The following OLFM3 variants were observed in gnomAD, a reference collection of about 807,000 sequenced individuals.
OLFM3 encodes noelin-3.
A neutral mutation model predicts 48.6 loss-of-function variants in OLFM3; 20 were observed. That is an observed-to-expected ratio of 0.41 (90% CI 0.29 to 0.60). OLFM3 has a LOEUF of 0.60. OLFM3 is among the 20% of genes least tolerant of loss of function. OLFM3 has a pLI of 0.28. For synonymous variants in OLFM3, 222 were observed against 198.1 expected, an observed-to-expected ratio of 1.12 and a Z score of -1.01; for missense variants, 437 against 544.3, an observed-to-expected ratio of 0.80 and a Z score of 1.96.
At chr1:101,971,540 G>T (rs187115678) in intron 1 of OLFM3, among the ~76,000 whole-genome samples, 1 of 152,106 alleles carries the variant, frequency 6.6e-6, no homozygotes, top group Non-Finnish European at 1.5e-5. Context: ...CATTTTTGAT[G>T]GTTTCCAAAG....
intron 1 of OLFM3, among the ~76,000 whole-genome samples, chr1:101,936,640 G>C (rs1390598292): frequency 6.6e-6 from 1 of 152,078 alleles, no homozygotes; most frequent in Non-Finnish European, 1.5e-5. Context: ...AAAAGACCTT[G>C]AATACCCATG....
At chr1:101,967,748 C>A (rs564275044) in intron 1 of OLFM3, among the ~76,000 whole-genome samples, 5 of 152,134 alleles carry the variant, frequency 3.3e-5, no homozygotes, top group Non-Finnish European at 1.5e-5. Context: ...AGGTGCAGAC[C>A]ACCTCCCGAC....
Position 101,863,034 on chromosome 1 carries a change from C to T in OLFM3, c.70-26009G>A, listed in dbSNP as rs145473758. ...GAGACGGAGTGTTGCTCTGTCAGCT[C>T]ATTGTAACCTCCGCCTCCCATGTTG... On this transcript the variant is annotated intron_variant, in intron 1 of 5. Transcript: ENST00000370103. Among the ~76,000 whole-genome samples the T allele has an allele frequency of 4.3e-3, 648 of 149,762 alleles. 3 individuals carry two copies. Among genetic ancestry groups the T allele is most frequent in the Non-Finnish European group, 5.6e-3 (379 of 67,718 alleles).
chr1:101,816,918 G>T (rs935631931), intron 4 of OLFM3, among the ~76,000 whole-genome samples: 26 of 152,182 alleles, frequency 1.7e-4, no homozygotes, highest in African/African-American at 6.0e-4. Context: ...AATGGTTATT[G>T]ATTTCCTAAG....
At position 101,802,866 on chromosome 1, in the gene OLFM3, T is replaced by A. The variant is rs1267512574; in HGVS notation, c.*1372A>T. The A allele has an allele frequency of 1.3e-5, 2 of 151,688 alleles. No homozygotes were observed. Among genetic ancestry groups the A allele is most frequent in the African/African-American group, 4.8e-5 (2 of 41,388 alleles). The allele number at this position is 151,688 out of a possible 1,614,324, so 9.4% of individuals were successfully genotyped here. A position where few individuals can be genotyped will look rare whatever the true frequency, so the allele number is the denominator to read the frequency against. On this transcript the variant is annotated 3_prime_UTR_variant, in exon 6 of 6. Transcript: ENST00000370103. Reference sequence around the variant, plus strand: ...CTGCCTTAGGGAACTATTTTTTTAATATGTGGAAAATACATCCAAACTCAA... The same window carrying A: ...CTGCCTTAGGGAACTATTTTTTTAAAATGTGGAAAATACATCCAAACTCAA...
chr1:101,835,094 C>A (rs758264016), intron 2 of OLFM3, among the ~76,000 whole-genome samples: 2 of 151,906 alleles, frequency 1.3e-5, no homozygotes, highest in African/African-American at 2.4e-5. Context: ...AGTATGGTGT[C>A]TAAGAAAATC....
chr1:101,905,872 C>A (rs1249102020), intron 1 of OLFM3, among the ~76,000 whole-genome samples: 1 of 152,108 alleles, frequency 6.6e-6, no homozygotes, highest in Admixed American at 6.5e-5. Flanking sequence ...AGCAGAGAAC[C>A]ACAATTCTCA....
At chr1:101,886,005 G>A (rs1365151722) in intron 1 of OLFM3, among the ~76,000 whole-genome samples, 3 of 152,098 alleles carry the variant, frequency 2.0e-5, no homozygotes, top group Admixed American at 6.6e-5. Flanking sequence ...GAAGAAGTGT[G>A]TAAACACTCA....
chr1:101,984,326 T>G (rs1336404475), intron 1 of OLFM3, among the ~76,000 whole-genome samples: 1 of 152,098 alleles, frequency 6.6e-6, no homozygotes, highest in African/African-American at 2.4e-5. Flanking sequence ...ACAAAATGAT[T>G]TATTTTTTAT....
chr1:101,924,062 AAC>A (rs1324587733), intron 1 of OLFM3, among the ~76,000 whole-genome samples: 1 of 152,178 alleles, frequency 6.6e-6, no homozygotes, highest in Non-Finnish European at 1.5e-5. Flanking sequence ...GCTAAGAAAA[AAC>A]AGAGGTAAAC....
At chr1:101,853,104 T>G (rs1279997110) in intron 1 of OLFM3, among the ~76,000 whole-genome samples, 2 of 152,076 alleles carry the variant, frequency 1.3e-5, no homozygotes, top group African/African-American at 4.8e-5. Flanking sequence ...TTTCTCATGG[T>G]GAAGGTCAAA....
chr1:101,988,849 G>T lies in OLFM3; in HGVS notation c.69+7899C>A, dbSNP rs563320574. On this transcript the variant is annotated intron_variant, in intron 1 of 5. Transcript: ENST00000370103. ...AATAAAATAACTACTAATAAAGTAA[G>T]AAAAGCATGTGTACACTAAATACTA... Among the ~76,000 whole-genome samples, 33 of 152,090 alleles carry T rather than the reference G, an allele frequency of 2.2e-4. No individual in the cohort carries two copies. In the South Asian group the frequency reaches 6.6e-3, roughly 31 times the overall value.
intron 1 of OLFM3, among the ~76,000 whole-genome samples, chr1:101,958,000 T>C (rs1660348846): frequency 6.6e-6 from 1 of 152,066 alleles, no homozygotes; most frequent in Non-Finnish European, 1.5e-5. Context: ...TGTGCTATGA[T>C]TTATGTGGCT....
At chr1:101,960,210 G>A (rs965619134) in intron 1 of OLFM3, among the ~76,000 whole-genome samples, 1 of 152,152 alleles carries the variant, frequency 6.6e-6, no homozygotes, top group Admixed American at 6.5e-5. Flanking sequence ...GAGAGGTCAA[G>A]ATAGCTGGGG....
At chr1:101,810,551 A>G (rs971095497) in intron 4 of OLFM3, among the ~76,000 whole-genome samples, 1 of 151,994 alleles carries the variant, frequency 6.6e-6, no homozygotes, top group East Asian at 1.9e-4. Context: ...TAATTTTATA[A>G]AGCAAAAATC....
At chr1:101,807,330 T>G (rs916375140) in intron 4 of OLFM3, among the ~76,000 whole-genome samples, 11 of 151,832 alleles carry the variant, frequency 7.2e-5, no homozygotes, top group Non-Finnish European at 1.6e-4. Flanking sequence ...GTCTTCTTTC[T>G]TGTCCATTTA....
chr1:101,984,351 C>T (rs552226239), intron 1 of OLFM3, among the ~76,000 whole-genome samples: 3 of 151,776 alleles, frequency 2.0e-5, no homozygotes, highest in African/African-American at 7.2e-5. Context: ...TAAATGTCAA[C>T]CAGGGAAAAC....
chr1:101,957,030 A>G (rs1175236321), intron 1 of OLFM3, among the ~76,000 whole-genome samples: 1 of 151,988 alleles, frequency 6.6e-6, no homozygotes, highest in Non-Finnish European at 1.5e-5. Flanking sequence ...TTTGGATAAG[A>G]TAACTTGATA....
intron 1 of OLFM3, among the ~76,000 whole-genome samples, chr1:101,990,950 A>G (rs1246846323): frequency 7.6e-6 from 1 of 132,108 alleles, no homozygotes; most frequent in African/African-American, 2.8e-5. Flanking sequence ...GTGCCACTGC[A>G]CTCCAGCCTG....
Sources: gnomAD v4.1 joint callset for allele counts (sites outside exome capture counted in the v4.1 genomes callset) on GRCh38, gnomAD v4.1.1 for gene constraint, MANE v1.5 for transcripts, NCBI Gene and HGNC (gene_info 2026-07-23, HGNC 2026-07-21) for gene names.